RGS3: variants seen among roughly 807,000 people sequenced by gnomAD.
RGS3 encodes regulator of G protein signaling 3.
RGS3 carries 80 observed loss-of-function variants against 132.6 expected under a neutral mutation model. The observed-to-expected ratio is 0.60, with a 90% CI of 0.50 to 0.73. RGS3 has a LOEUF of 0.73. Among genes scored for constraint, RGS3 ranks in the 30% least tolerant of loss-of-function variants. The pLI is 0.00. For synonymous variants in RGS3, 598 were observed against 620.6 expected, an observed-to-expected ratio of 0.96 and a Z score of 0.54; for missense variants, 1,382 against 1,530.8, an observed-to-expected ratio of 0.90 and a Z score of 1.62.
chr9:113,514,774 A>G, intron 15 of RGS3, 120 bp downstream of exon 13: 5 of 916,752 alleles, frequency 5.5e-6, no homozygotes, highest in Non-Finnish European at 8.2e-6. Flanking sequence ...TTTGGGAAAG[A>G]TAAGTAGCTT....
intron 23 of RGS3, 154 bp downstream of exon 21, chr9:113,595,134 G>C: frequency 2.9e-6 from 2 of 693,760 alleles, no homozygotes; most frequent in Non-Finnish European, 4.9e-6. Flanking sequence ...AGCCCAAGCT[G>C]AGGCCCTTGG....
At chr9:113,468,058 T>A (rs1240886538) in intron 3 of RGS3, among the ~76,000 whole-genome samples, 1 of 152,240 alleles carries the variant, frequency 6.6e-6, no homozygotes, top group East Asian at 1.9e-4. Flanking sequence ...TTGATGAAGT[T>A]CAATTTACTT....
At chr9:113,522,104 G>T (rs956766139) in intron 16 of RGS3, among the ~76,000 whole-genome samples, 3 of 152,176 alleles carry the variant, frequency 2.0e-5, no homozygotes, top group Admixed American at 6.5e-5. Flanking sequence ...TATGCTGAGC[G>T]TGCCTGTTGG....
Position 113,485,713 on chromosome 9 carries a change from T to A in RGS3, c.689+20T>A. ...GTCCAGGTGAGGAGAGCTGCTGAGC[T>A]GGAGGGGGACTCTGCTCTGGGCTAG... On this transcript the variant is annotated intron_variant, in intron 7 of 24. Transcript: ENST00000350696. 6.4e-7 allele frequency: 1 copy of A among 1,565,404 alleles called. No individual in the cohort carries two copies. Among genetic ancestry groups the A allele is most frequent in the Non-Finnish European group, 8.7e-7 (1 of 1,151,214 alleles).
At chr9:113,476,009 T>G (rs2119200536) in intron 3 of RGS3, among the ~76,000 whole-genome samples, 1 of 151,970 alleles carries the variant, frequency 6.6e-6, no homozygotes, top group South Asian at 2.1e-4. Flanking sequence ...GTGATCATGG[T>G]TCACTGTGGG....
At chr9:113,529,488 A>G (rs1832373789) in intron 18 of RGS3, among the ~76,000 whole-genome samples, 1 of 152,212 alleles carries the variant, frequency 6.6e-6, no homozygotes, top group Admixed American at 6.5e-5. Flanking sequence ...TGGACAGGAA[A>G]GTGCTTAGAA....
intron 19 of RGS3, chr9:113,583,166 C>T: frequency 2.1e-6 from 1 of 486,392 alleles, no homozygotes; most frequent in Non-Finnish European, 3.6e-6. Flanking sequence ...TGGCCTGGCA[C>T]CTGCCAAAGC....
At chr9:113,588,370 C>G (rs7019874) in intron 20 of RGS3, among the ~76,000 whole-genome samples, 120,916 of 152,260 alleles carry the variant, frequency 0.79, 48,219 homozygotes, top group East Asian at 0.95. Context: ...GGCCTGCCAG[C>G]CTGGGCTGGA....
intron 20 of RGS3, among the ~76,000 whole-genome samples, chr9:113,590,557 T>TATCCATCCATCC (rs746005388): frequency 1.1e-3 from 169 of 148,624 alleles, no homozygotes; most frequent in Non-Finnish European, 1.5e-3. Context: ...CCTATCCACA[T>TATCCATCCATCC]ATCCATCCAT....
chr9:113,448,044 C>T (rs892047826), intron 1 of RGS3, among the ~76,000 whole-genome samples: 3 of 151,584 alleles, frequency 2.0e-5, no homozygotes, highest in Non-Finnish European at 4.4e-5. Context: ...TTTTTGTAGA[C>T]ATGGGGTTTT....
At chr9:113,508,243 G>A (rs1042588204) in intron 13 of RGS3, among the ~76,000 whole-genome samples, 8 of 152,154 alleles carry the variant, frequency 5.3e-5, no homozygotes, top group African/African-American at 1.4e-4. Context: ...GGTTGGTACC[G>A]TCTTACCATT....
intron 10 of RGS3, 63 bp downstream of exon 8, chr9:113,498,143 G>T (rs1460346443): frequency 2.0e-6 from 3 of 1,509,300 alleles, no homozygotes; most frequent in East Asian, 4.5e-5. Flanking sequence ...CAGCCCCTGG[G>T]CCCGGGAAAC....
At chr9:113,590,625 G>A (rs904672783) in intron 20 of RGS3, among the ~76,000 whole-genome samples, 5 of 151,826 alleles carry the variant, frequency 3.3e-5, no homozygotes, top group African/African-American at 4.8e-5. Context: ...ACTCACAAAA[G>A]CATCCCCCGA....
chr9:113,494,221 T>C (rs991382253), intron 7 of RGS3, among the ~76,000 whole-genome samples: 12 of 152,056 alleles, frequency 7.9e-5, no homozygotes, highest in African/African-American at 2.2e-4. Flanking sequence ...TCTTTTTTTT[T>C]CTCCTGATTA....
chr9:113,532,992 G>C lies in RGS3; in HGVS notation c.1914+3728G>C, dbSNP rs149320235. Among the ~76,000 whole-genome samples, 4 of 152,202 alleles carry C rather than the reference G, an allele frequency of 2.6e-5. No homozygotes were observed. In the South Asian group the frequency reaches 8.3e-4, roughly 31 times the overall value. On this transcript the variant is annotated intron_variant, in intron 18 of 24. Coordinates refer to ENST00000350696, the Ensembl canonical transcript of RGS3. The stretch of plus-strand genomic sequence containing the variant: ...GAGGGAGCATTCCTGCCAGCCACAG[G>C]TGTGGCAGCCTGACCAGGTGATGAG...
At chr9:113,533,019 C>A (rs1358942345) in intron 18 of RGS3, among the ~76,000 whole-genome samples, 1 of 152,322 alleles carries the variant, frequency 6.6e-6, no homozygotes, top group East Asian at 1.9e-4. Flanking sequence ...GGTGATGAGA[C>A]CTCCCCAGGT....
intron 19 of RGS3, among the ~76,000 whole-genome samples, chr9:113,567,387 G>A (rs1051669407): frequency 3.9e-5 from 6 of 152,196 alleles, no homozygotes; most frequent in Non-Finnish European, 7.3e-5. Context: ...TTCCTTAGTC[G>A]CAAGGACCTG....
At position 113,565,253 on chromosome 9, in the gene RGS3, C is replaced by G. The variant is rs1321764122; in HGVS notation, c.2038-18197C>G. 7.8e-7 allele frequency: 1 copy of G among 1,288,242 alleles called. No homozygotes were observed. Among genetic ancestry groups the G allele is most frequent in the African/African-American group, 1.5e-5 (1 of 65,818 alleles). The allele number at this position is 1,288,242 out of a possible 1,614,324, so 79.8% of individuals were successfully genotyped here. A position where few individuals can be genotyped will look rare whatever the true frequency, so the allele number is the denominator to read the frequency against. On this transcript the variant is annotated intron_variant, in intron 19 of 24. Transcript: ENST00000350696. This position sits in a 1 kb window ranked among gnomAD's most constrained non-coding sequence, Gnocchi z 5.7. Reference sequence around the variant, plus strand: ...CCAGGACCCTCTTCTTTGAGACATCCCGGACTCCATCTCGGATGAAAGTGC... The same window carrying G: ...CCAGGACCCTCTTCTTTGAGACATCGCGGACTCCATCTCGGATGAAAGTGC...
chr9:113,491,846 G>A (rs1239091496), intron 7 of RGS3, among the ~76,000 whole-genome samples: 3 of 152,204 alleles, frequency 2.0e-5, no homozygotes, highest in South Asian at 2.1e-4. Context: ...GAGCCACTGC[G>A]CCCAGCCAGG....
Sources: allele counts gnomAD v4.1 joint callset (sites outside exome capture counted in the v4.1 genomes callset), GRCh38; gene constraint gnomAD v4.1.1; non-coding constraint Gnocchi (gnomAD v3.1); transcripts MANE v1.5; gene names NCBI Gene and HGNC (gene_info 2026-07-23, HGNC 2026-07-21).